The following ALK variants were observed in gnomAD, a reference collection of about 807,000 sequenced individuals.
The protein encoded by ALK is ALK tyrosine kinase receptor.
Under a neutral mutation model 163.1 loss-of-function variants are expected in ALK, and 74 were observed. The ratio of observed to expected loss-of-function variants is 0.45; its 90% CI spans 0.38 to 0.55. The LOEUF (loss-of-function observed/expected upper bound fraction) is 0.55, where lower values mean the gene tolerates loss of function less well. ALK is among the 20% of genes least tolerant of loss of function. The pLI is 0.00. For synonymous variants in ALK, 960 were observed against 843.2 expected (o/e 1.14, Z -2.40); for missense variants, 2,063 against 2,105.3 (o/e 0.98, Z 0.39).
At chr2:29,339,321 A>G (rs973719283) in intron 5 of ALK, among the ~76,000 whole-genome samples, 3 of 152,008 alleles carry the variant, frequency 2.0e-5, no homozygotes, top group Admixed American at 6.6e-5. Context: ...AGAATCAGCC[A>G]TGAAAAAGGC....
chr2:29,273,704 C>T (rs1438483384), intron 11 of ALK, among the ~76,000 whole-genome samples: 1 of 152,146 alleles, frequency 6.6e-6, no homozygotes, highest in Non-Finnish European at 1.5e-5. Context: ...TTAGGCTGGG[C>T]AGGGGGCTAT....
At chr2:29,775,735 T>C (rs1681158133) in intron 1 of ALK, among the ~76,000 whole-genome samples, 1 of 152,218 alleles carries the variant, frequency 6.6e-6, no homozygotes, top group South Asian at 2.1e-4. Flanking sequence ...ATAGTAATTG[T>C]ACCTGTCCAT....
At chr2:29,498,335 T>C (rs918872113) in intron 4 of ALK, among the ~76,000 whole-genome samples, 12 of 151,692 alleles carry the variant, frequency 7.9e-5, no homozygotes, top group Non-Finnish European at 1.5e-4. Flanking sequence ...TGATGATAAA[T>C]ATGCAAAAAT....
intron 4 of ALK, among the ~76,000 whole-genome samples, chr2:29,518,665 C>G (rs888121569): frequency 4.6e-5 from 7 of 152,162 alleles, no homozygotes; most frequent in South Asian, 4.1e-4. Context: ...GTAAGAATCC[C>G]TCTGAACAAT....
chr2:29,717,396 TG>T (rs1679291824), intron 2 of ALK, among the ~76,000 whole-genome samples, 181 bp downstream of exon 2: 1 of 151,970 alleles, frequency 6.6e-6, no homozygotes, highest in Admixed American at 6.6e-5. Context: ...TGGAATGGCC[TG>T]GCTGGAATGG....
intron 1 of ALK, among the ~76,000 whole-genome samples, chr2:29,872,595 C>T (rs1031476262): frequency 6.6e-6 from 1 of 152,160 alleles, no homozygotes; most frequent in Non-Finnish European, 1.5e-5. Flanking sequence ...AGCCTTTGTT[C>T]GCTGCTGCTG....
intron 1 of ALK, among the ~76,000 whole-genome samples, chr2:29,811,239 C>T (rs1209123758): frequency 1.3e-5 from 2 of 151,992 alleles, no homozygotes; most frequent in African/African-American, 4.8e-5. Context: ...CTGACTCCCC[C>T]CCTTTGAAAC....
chr2:29,456,587 TA>T (rs1389417231), intron 4 of ALK, among the ~76,000 whole-genome samples: 1 of 152,152 alleles, frequency 6.6e-6, no homozygotes, highest in African/African-American at 2.4e-5. Flanking sequence ...GCTCAACTGG[TA>T]CAGAATTACA....
chr2:29,889,266 T>C (rs72794340), intron 1 of ALK, among the ~76,000 whole-genome samples: 1,465 of 134,892 alleles, frequency 0.011, 14 homozygotes, highest in African/African-American at 0.035. Flanking sequence ...TATATATATA[T>C]ACACATATAT....
At chr2:29,504,707 A>ACTT (rs1168305098) in intron 4 of ALK, among the ~76,000 whole-genome samples, 5 of 151,852 alleles carry the variant, frequency 3.3e-5, no homozygotes, top group Non-Finnish European at 7.4e-5. Context: ...AATGAGAGAG[A>ACTT]CCTCGAGGCT....
At chr2:29,376,086 C>CCT (rs1415521976) in intron 5 of ALK, among the ~76,000 whole-genome samples, 1 of 151,962 alleles carries the variant, frequency 6.6e-6, no homozygotes, top group East Asian at 1.9e-4. Context: ...CCCAAGATAA[C>CCT]CTCTCCTCCG....
At chr2:29,485,861 AT>A (rs1011369055) in intron 4 of ALK, among the ~76,000 whole-genome samples, 1 of 152,034 alleles carries the variant, frequency 6.6e-6, no homozygotes, top group East Asian at 1.9e-4. Context: ...CCTCAGTGGC[AT>A]TTTTTTTAGG....
intron 3 of ALK, among the ~76,000 whole-genome samples, chr2:29,600,391 G>T (rs893216026): frequency 1.3e-5 from 2 of 152,186 alleles, no homozygotes; most frequent in Non-Finnish European, 2.9e-5. Context: ...AAGAATAGGT[G>T]ATTATGGAAT....
chr2:29,391,050 AG>A (rs1292160760), intron 4 of ALK, among the ~76,000 whole-genome samples: 1 of 151,868 alleles, frequency 6.6e-6, no homozygotes. Context: ...CAGGCTCTGT[AG>A]GGGGGGCCAA....
In ALK at chr2:29,785,309, C is replaced by A. The variant is rs1178845759; in HGVS notation, c.668-67612G>T. On this transcript the variant is annotated intron_variant, in intron 1 of 28. Transcript: ENST00000389048. Reference sequence around the variant, plus strand: ...GTGGGAGCCATTTCAGCAGAACATACCGATATCCTGCAAACAGCAGGCACA... The same window carrying A: ...GTGGGAGCCATTTCAGCAGAACATAACGATATCCTGCAAACAGCAGGCACA... 1.3e-5 allele frequency among the ~76,000 whole-genome samples: 2 copies of A among 152,088 alleles called. 1 individual carries two copies. Among genetic ancestry groups the A allele is most frequent in the Admixed American group, 1.3e-4 (2 of 15,278 alleles).
chr2:29,511,997 C>T (rs77990075), intron 4 of ALK, among the ~76,000 whole-genome samples: 56,590 of 151,880 alleles, frequency 0.37, 11,640 homozygotes, highest in South Asian at 0.56. Flanking sequence ...TTCTCCCACA[C>T]TGTGGCTTGT....
chr2:29,369,729 A>C (rs1031449147), intron 5 of ALK, among the ~76,000 whole-genome samples: 1 of 152,230 alleles, frequency 6.6e-6, no homozygotes, highest in Non-Finnish European at 1.5e-5. Context: ...AGAGGCACAC[A>C]GAAGAGGCTG....
rs146817378 is a variant in ALK at position 29,598,130 on chromosome 2, C to T, written c.953-66014G>A. On this transcript the variant is annotated intron_variant, in intron 3 of 28. Transcript: ENST00000389048. ...GCAACCTCTGCCTCCTCGGTTCAAG[C>T]GATTCTCCTGCCTCACCTCCTGCGT... Among the ~76,000 whole-genome samples the T allele has an allele frequency of 2.7e-3, 411 of 152,278 alleles. 3 individuals are homozygous for T. The highest frequency in any genetic ancestry group is 8.4e-3 in the African/African-American group (349 of 41,562).
intron 8 of ALK, among the ~76,000 whole-genome samples, chr2:29,305,978 C>G (rs1322368491): frequency 6.6e-6 from 1 of 152,074 alleles, no homozygotes; most frequent in Non-Finnish European, 1.5e-5. Context: ...GGCAGTAACG[C>G]GAGGGATGGC....
Sources: allele counts gnomAD v4.1 joint callset (sites outside exome capture counted in the v4.1 genomes callset), GRCh38; gene constraint gnomAD v4.1.1; transcripts MANE v1.5; gene names NCBI Gene and HGNC (gene_info 2026-07-23, HGNC 2026-07-21).